Variants in EEFSEC observed in about 807,000 individuals in gnomAD.
EEFSEC encodes eukaryotic elongation factor, selenocysteine-tRNA specific.
In EEFSEC, 43 loss-of-function variants were observed where a neutral mutation model predicts 42.1. The ratio of observed to expected loss-of-function variants is 1.02; its 90% CI spans 0.80 to 1.32. The LOEUF (loss-of-function observed/expected upper bound fraction) is 1.32, where lower values mean the gene tolerates loss of function less well. Ranked by LOEUF, EEFSEC falls within the 40% of genes most tolerant of loss-of-function variation. The pLI is 0.00. For missense variants in EEFSEC, 745 were observed against 803.6 expected, an observed-to-expected ratio of 0.93 and a Z score of 0.88; for synonymous variants, 354 against 339.1, an observed-to-expected ratio of 1.04 and a Z score of -0.48.
intron 1 of EEFSEC, among the ~76,000 whole-genome samples, chr3:128,225,170 A>C (rs1044932110): frequency 7.2e-5 from 11 of 152,262 alleles, no homozygotes; most frequent in Non-Finnish European, 1.5e-4. Context: ...CAGTGAGGCA[A>C]GTCCAGCCCC....
At chr3:128,199,159 A>AT (rs34445240) in intron 1 of EEFSEC, among the ~76,000 whole-genome samples, 1 of 152,018 alleles carries the variant, frequency 6.6e-6, no homozygotes, top group East Asian at 1.9e-4. Context: ...AAGTGTGTGC[A>AT]TTTTTTGTGC....
Position 128,153,797 on chromosome 3 carries a change from C to T in EEFSEC, c.290C>T (p.Ala97Val). 6.6e-7 allele frequency: 1 copy of T among 1,522,404 alleles called. No individual in the cohort carries two copies. 94.3% of individuals were successfully genotyped at this position (1,522,404 alleles called of 1,614,324 possible). Residue 97 changes from alanine to valine, a missense_variant, in exon 1 of 7, where the codon GCC becomes GTC. Physicochemically the swap from Ala to Val is moderately conservative, Grantham distance 64. Coordinates refer to ENST00000254730, the MANE Select transcript of EEFSEC (RefSeq NM_021937.5). ...ACGCTGGTCGACTGCCCCGGGCACG[C>T]CTCCCTCATCCGGACCATCATCGGC... ...QVTLVDCPGH[A>V]SLIRTIIGGA...
chr3:128,283,442 T>C (rs371485422), intron 4 of EEFSEC, among the ~76,000 whole-genome samples: 1 of 152,170 alleles, frequency 6.6e-6, no homozygotes. Flanking sequence ...TTGGAAGCTG[T>C]CAGTACTGTC....
Position 128,262,237 on chromosome 3 carries a change from T to C in EEFSEC, c.621+13T>C, listed in dbSNP as rs1576589320. Reference sequence around the variant, plus strand: ...AGAGCTCATTGAGGTACTGTCATCTTGAATCCAGGTTGCCCTTTAGCCCCA... The same window carrying C: ...AGAGCTCATTGAGGTACTGTCATCTCGAATCCAGGTTGCCCTTTAGCCCCA... On this transcript the variant is annotated intron_variant, in intron 3 of 6. Transcript: ENST00000254730. 6.2e-7 allele frequency: 1 copy of C among 1,613,370 alleles called. No homozygotes were observed. The highest frequency in any genetic ancestry group is 2.2e-5 in the East Asian group (1 of 44,876).
the EEFSEC span, among the ~76,000 whole-genome samples, chr3:128,420,168 G>A: frequency 1.3e-5 from 2 of 152,228 alleles, no homozygotes; most frequent in Non-Finnish European, 2.9e-5. Flanking sequence ...GAGGCCCCGC[G>A]CAGAGCAGGA....
At chr3:128,201,667 A>G (rs753762180) in intron 1 of EEFSEC, among the ~76,000 whole-genome samples, 1 of 152,020 alleles carries the variant, frequency 6.6e-6, no homozygotes, top group African/African-American at 2.4e-5. Flanking sequence ...TGGCTTACCT[A>G]TTTGTTTTCT....
chr3:128,397,040 C>G (rs957124909), intron 6 of EEFSEC, among the ~76,000 whole-genome samples: 5 of 152,242 alleles, frequency 3.3e-5, no homozygotes, highest in African/African-American at 1.2e-4. Context: ...CACAGAGGCA[C>G]CCTGGGCCTC....
intron 4 of EEFSEC, among the ~76,000 whole-genome samples, chr3:128,296,828 T>G (rs1257759676): frequency 6.6e-6 from 1 of 152,202 alleles, no homozygotes; most frequent in African/African-American, 2.4e-5. Context: ...GTACTCTGCG[T>G]GTGTTGGCCA....
chr3:128,240,379 T>C (rs946895171), intron 1 of EEFSEC, among the ~76,000 whole-genome samples: 1 of 152,198 alleles, frequency 6.6e-6, no homozygotes, highest in African/African-American at 2.4e-5. Context: ...GATGAGGAAA[T>C]TGAAGCTCCT....
At chr3:128,391,492 C>T (rs1012871330) in intron 6 of EEFSEC, among the ~76,000 whole-genome samples, 2 of 152,168 alleles carry the variant, frequency 1.3e-5, no homozygotes, top group Admixed American at 6.5e-5. Flanking sequence ...GACATGGCCA[C>T]GACTGTCGTG....
chr3:128,272,723 G>A (rs987529277), intron 4 of EEFSEC, among the ~76,000 whole-genome samples: 7 of 152,294 alleles, frequency 4.6e-5, no homozygotes, highest in Admixed American at 2.0e-4. Context: ...CTGGTTGGAC[G>A]GGAGCTCATC....
intron 1 of EEFSEC, among the ~76,000 whole-genome samples, chr3:128,236,058 G>A (rs539006622): frequency 1.3e-5 from 2 of 152,292 alleles, no homozygotes; most frequent in East Asian, 1.9e-4. Context: ...TCCGCCTCCC[G>A]GGTTCAAGTG....
chr3:128,285,018 G>A (rs574304843), intron 4 of EEFSEC, among the ~76,000 whole-genome samples: 2 of 152,224 alleles, frequency 1.3e-5, no homozygotes, highest in Admixed American at 6.5e-5. Context: ...CTGGTTGGAG[G>A]GGTCCAGAGT....
chr3:128,264,263 G>A (rs942426255), intron 3 of EEFSEC, among the ~76,000 whole-genome samples: 2 of 152,196 alleles, frequency 1.3e-5, no homozygotes, highest in Non-Finnish European at 2.9e-5. Context: ...AATGCATGAG[G>A]CCAGGGAGCA....
intron 1 of EEFSEC, among the ~76,000 whole-genome samples, chr3:128,159,432 TCTC>T (rs1944440750): frequency 6.6e-6 from 1 of 152,220 alleles, no homozygotes; most frequent in Non-Finnish European, 1.5e-5. Flanking sequence ...GCCTGCTTAT[TCTC>T]CTCCTCCCTC....
chr3:128,224,019 T>C (rs1255690980), intron 1 of EEFSEC, among the ~76,000 whole-genome samples: 5 of 152,232 alleles, frequency 3.3e-5, no homozygotes, highest in African/African-American at 4.8e-5. Context: ...CTGCTCTTTT[T>C]GTTATTTTCT....
intron 4 of EEFSEC, chr3:128,337,151 G>A (rs1048937226): frequency 1.3e-5 from 2 of 152,092 alleles, no homozygotes; most frequent in South Asian, 2.1e-4. Context: ...CTTCTGTTCC[G>A]AAGCGTCCCT....
intron 6 of EEFSEC, among the ~76,000 whole-genome samples, chr3:128,393,955 G>A (rs1201636555): frequency 1.3e-5 from 2 of 151,990 alleles, no homozygotes; most frequent in African/African-American, 2.4e-5. Context: ...GGTGACACGT[G>A]TGCAGCAGGA....
At chr3:128,178,328 G>T (rs771158960) in intron 1 of EEFSEC, among the ~76,000 whole-genome samples, 2 of 152,164 alleles carry the variant, frequency 1.3e-5, no homozygotes, top group Non-Finnish European at 2.9e-5. Context: ...GAAACTGGAA[G>T]TAGTTTTGTT....
Sources: allele counts gnomAD v4.1 joint callset (sites outside exome capture counted in the v4.1 genomes callset), GRCh38; gene constraint gnomAD v4.1.1; transcripts MANE v1.5; gene names NCBI Gene and HGNC (gene_info 2026-07-23, HGNC 2026-07-21).